ITGBL1: variants seen among roughly 807,000 people sequenced by gnomAD.
The protein encoded by ITGBL1 is integrin subunit beta like 1.
Under a neutral mutation model 68.5 loss-of-function variants are expected in ITGBL1, and 51 were observed. The observed-to-expected ratio is 0.74, with a 90% CI of 0.59 to 0.94. The LOEUF is 0.94. Ranked by LOEUF, ITGBL1 falls within the 40% of genes least tolerant of loss-of-function variation. The probability of loss-of-function intolerance (pLI) is 0.00; values close to 1 mark genes in which losing one functional copy is unlikely to be tolerated. For synonymous variants in ITGBL1, 209 were observed against 227.3 expected (o/e 0.92, Z 0.72); for missense variants, 649 against 647.4 (o/e 1.00, Z -0.03).
chr13:101,674,174 A>G (rs944967101), intron 7 of ITGBL1, among the ~76,000 whole-genome samples: 3 of 152,238 alleles, frequency 2.0e-5, no homozygotes, highest in African/African-American at 7.2e-5. Context: ...AACCTAATAC[A>G]CACACACATA....
chr13:101,667,557 G>T (rs1362395577), intron 7 of ITGBL1, among the ~76,000 whole-genome samples: 1 of 151,762 alleles, frequency 6.6e-6, no homozygotes, highest in African/African-American at 2.4e-5. Context: ...CCCAAAATTT[G>T]ATGCACAGCC....
At chr13:101,645,885 G>GA (rs1477735322) in intron 7 of ITGBL1, among the ~76,000 whole-genome samples, 1 of 152,078 alleles carries the variant, frequency 6.6e-6, no homozygotes, top group African/African-American at 2.4e-5. Flanking sequence ...ATTAAGTGGG[G>GA]AAAAATCCTA....
intron 8 of ITGBL1, among the ~76,000 whole-genome samples, chr13:101,702,061 ATC>A (rs528243781): frequency 1.4e-3 from 219 of 152,280 alleles, no homozygotes; most frequent in African/African-American, 5.2e-3. Context: ...TACTTTAATT[ATC>A]TGTTTCTTTT....
chr13:101,680,821 G>A (rs188631080), intron 7 of ITGBL1, among the ~76,000 whole-genome samples: 7 of 152,222 alleles, frequency 4.6e-5, no homozygotes, highest in Admixed American at 3.9e-4. Context: ...ACATTTAGTT[G>A]TGTATGCACC....
rs116468880 is a variant in ITGBL1 at position 101,611,417 on chromosome 13, A to G, written c.1015+13118A>G. Among the ~76,000 whole-genome samples the G allele has an allele frequency of 2.0e-3, 302 of 152,326 alleles. 2 individuals carry two copies. Among genetic ancestry groups the G allele is most frequent in the African/African-American group, 7.0e-3 (289 of 41,572 alleles). On this transcript the variant is annotated intron_variant, in intron 7 of 10. Transcript: ENST00000376180. ...ACTGACAGAAGATGAGAAAACAAGC[A>G]CAAATCCAAAATTGTTTTATTCGAA...
intron 9 of ITGBL1, chr13:101,713,561 T>G (rs2034578423): frequency 6.6e-6 from 1 of 152,196 alleles, no homozygotes; most frequent in Non-Finnish European, 1.5e-5. Flanking sequence ...TTGTAAAGTC[T>G]TTCCTGCTGT....
Position 101,668,089 on chromosome 13 carries a change from A to T in ITGBL1, c.1016-24496A>T, listed in dbSNP as rs115491432. ...CTGTTAGATGTTTTACAGTCATAAAACTATAAATTCAGCTTAGGCCAGGTG... is the reference window on the plus strand; with the variant it reads ...CTGTTAGATGTTTTACAGTCATAAATCTATAAATTCAGCTTAGGCCAGGTG... On this transcript the variant is annotated intron_variant, in intron 7 of 10. Transcript: ENST00000376180. 3.4e-3 allele frequency among the ~76,000 whole-genome samples: 519 copies of T among 152,242 alleles called. 4 individuals carry two copies. Among genetic ancestry groups the T allele is most frequent in the African/African-American group, 0.012 (501 of 41,546 alleles).
intron 7 of ITGBL1, among the ~76,000 whole-genome samples, chr13:101,614,660 G>A (rs765879837): frequency 7.2e-5 from 11 of 152,078 alleles, no homozygotes; most frequent in East Asian, 3.9e-4. Flanking sequence ...TTGGGCTTTC[G>A]CAGCTACGGT....
At chr13:101,486,664 G>T (rs1003611614) in intron 2 of ITGBL1, among the ~76,000 whole-genome samples, 2 of 152,126 alleles carry the variant, frequency 1.3e-5, no homozygotes, top group Non-Finnish European at 2.9e-5. Flanking sequence ...TATTTTAAAA[G>T]TCTAGACCTC....
rs536704682 is a variant in ITGBL1, at chr13:101,598,020, G to A, written c.869-133G>A. ...ATTTAAGAATTTGAGAAAAATGTGC[G>A]TTTGCCTTAATATGTTATATTATGT... On this transcript the variant is annotated intron_variant, in intron 6 of 10. Coordinates refer to ENST00000376180, the MANE Select transcript of ITGBL1 (RefSeq NM_004791.3). 1.3e-4 allele frequency: 95 copies of A among 733,016 alleles called. 1 individual carries two copies. The highest frequency in any genetic ancestry group is 6.9e-4 in the Admixed American group (21 of 30,236). 45.4% of individuals were successfully genotyped at this position (733,016 alleles called of 1,614,324 possible). A position where few individuals can be genotyped will look rare whatever the true frequency, so the allele number is the denominator to read the frequency against.
chr13:101,713,431 G>A (rs1458979186), intron 9 of ITGBL1: 2 of 152,022 alleles, frequency 1.3e-5, no homozygotes, highest in African/African-American at 2.4e-5. Context: ...TTTTTTCAAC[G>A]TGATTTTGAC....
intron 5 of ITGBL1, among the ~76,000 whole-genome samples, chr13:101,581,497 T>C (rs1002912464): frequency 1.3e-5 from 2 of 152,220 alleles, no homozygotes; most frequent in Admixed American, 6.5e-5. Context: ...CCTATCCCTG[T>C]ATTTCCTTCT....
chr13:101,466,655 A>G (rs1594826369), intron 2 of ITGBL1, among the ~76,000 whole-genome samples: 2 of 152,336 alleles, frequency 1.3e-5, no homozygotes, highest in East Asian at 1.9e-4. Context: ...GTTTACAAAT[A>G]TGCTGAATAT....
intron 7 of ITGBL1, among the ~76,000 whole-genome samples, chr13:101,649,418 A>G (rs1236552867): frequency 2.0e-5 from 3 of 152,208 alleles, no homozygotes; most frequent in Non-Finnish European, 4.4e-5. Context: ...GTCTTTCTCA[A>G]TTAGACTATA....
intron 2 of ITGBL1, among the ~76,000 whole-genome samples, chr13:101,469,253 AT>A (rs2048424606): frequency 3.3e-5 from 5 of 152,230 alleles, no homozygotes; most frequent in Admixed American, 3.3e-4. Context: ...TGAATGGATC[AT>A]CATGTAGGTT....
chr13:101,543,514 G>A (rs2049752977), intron 2 of ITGBL1, among the ~76,000 whole-genome samples: 1 of 151,954 alleles, frequency 6.6e-6, no homozygotes, highest in South Asian at 2.1e-4. Context: ...TTCAACTTTG[G>A]TGAATCTGAC....
intron 2 of ITGBL1, among the ~76,000 whole-genome samples, chr13:101,474,674 A>C (rs1304406): frequency 6.6e-6 from 1 of 152,066 alleles, no homozygotes; most frequent in Non-Finnish European, 1.5e-5. Context: ...TAGTAGTTGC[A>C]ACAGGGGTGC....
chr13:101,545,994 A>G (rs753476777), intron 2 of ITGBL1, among the ~76,000 whole-genome samples: 5 of 152,224 alleles, frequency 3.3e-5, no homozygotes, highest in African/African-American at 9.6e-5. Flanking sequence ...ATCAAGGTGA[A>G]AAAGAATGAA....
chr13:101,475,070 C>T (rs1284336077), intron 2 of ITGBL1, among the ~76,000 whole-genome samples: 3 of 152,116 alleles, frequency 2.0e-5, no homozygotes, highest in African/African-American at 4.8e-5. Context: ...TCCAGGAAAA[C>T]ATGACCTCAC....
Sources: gnomAD v4.1 joint callset for allele counts (sites outside exome capture counted in the v4.1 genomes callset) on GRCh38, gnomAD v4.1.1 for gene constraint, MANE v1.5 for transcripts, NCBI Gene and HGNC (gene_info 2026-07-23, HGNC 2026-07-21) for gene names.